The following KCNH5 variants were observed in gnomAD, a reference collection of about 807,000 sequenced individuals.
The protein encoded by KCNH5 is potassium voltage-gated channel subfamily H member 5.
A neutral mutation model predicts 96.1 loss-of-function variants in KCNH5; 46 were observed. That is an observed-to-expected ratio of 0.48 (90% confidence interval 0.38 to 0.61). The LOEUF (loss-of-function observed/expected upper bound fraction) is 0.61. KCNH5 is among the 20% of genes least tolerant of loss of function. The probability of loss-of-function intolerance (pLI) is 0.00; values close to 1 mark genes in which losing one functional copy is unlikely to be tolerated. For missense variants in KCNH5, 907 were observed against 1,225.8 expected, an observed-to-expected ratio of 0.74 and a Z score of 3.88; for synonymous variants, 439 against 449.8, an observed-to-expected ratio of 0.98 and a Z score of 0.30.
intron 7 of KCNH5, among the ~76,000 whole-genome samples, chr14:62,860,435 A>AT (rs1256770583): frequency 2.0e-5 from 3 of 152,178 alleles, no homozygotes; most frequent in African/African-American, 4.8e-5. Context: ...ACAGCTACAG[A>AT]TTTTTTTGTA....
chr14:62,912,037 C>CAAAAAAAAA, intron 7 of KCNH5, among the ~76,000 whole-genome samples: 1 of 79,662 alleles, frequency 1.3e-5, no homozygotes, highest in Non-Finnish European at 2.4e-5. Flanking sequence ...GACTCCTAAT[C>CAAAAAAAAA]AAAAAAAAAA....
At chr14:62,717,208 T>C (rs12587728) in intron 10 of KCNH5, among the ~76,000 whole-genome samples, 65,175 of 151,984 alleles carry the variant, frequency 0.43, 14,552 homozygotes, top group Non-Finnish European at 0.5. Context: ...ATGGCAATAC[T>C]ACCCAAGTTA....
Position 62,959,581 on chromosome 14 carries a change from T to A in KCNH5, c.943-9022A>T, listed in dbSNP as rs183352755. On this transcript the variant is annotated intron_variant, in intron 6 of 10. Transcript: ENST00000322893. Reference sequence around the variant, plus strand: ...TCTGTTGAAGTCAAATTTATTTATATAAAAAAACAGATTGTTTGTCTTATA... The same window carrying A: ...TCTGTTGAAGTCAAATTTATTTATAAAAAAAAACAGATTGTTTGTCTTATA... Among the ~76,000 whole-genome samples the A allele has an allele frequency of 2.5e-4, 38 of 152,156 alleles. No homozygotes were observed. The East Asian group carries it at 7.2e-3, about 29-fold the overall frequency.
At chr14:62,727,922 T>C (rs1049709252) in intron 10 of KCNH5, among the ~76,000 whole-genome samples, 3 of 150,812 alleles carry the variant, frequency 2.0e-5, no homozygotes, top group African/African-American at 7.3e-5. Flanking sequence ...AGCTTGACCA[T>C]GATTTTCCAT....
intron 7 of KCNH5, among the ~76,000 whole-genome samples, chr14:62,872,453 G>C (rs1393716670): frequency 6.6e-6 from 1 of 152,192 alleles, no homozygotes; most frequent in African/African-American, 2.4e-5. Flanking sequence ...GACTTTGGGA[G>C]GCTGAGGCGT....
At chr14:62,914,654 TCCA>T (rs1263060470) in intron 7 of KCNH5, among the ~76,000 whole-genome samples, 2 of 152,210 alleles carry the variant, frequency 1.3e-5, no homozygotes, top group African/African-American at 2.4e-5. Context: ...CTTTGCCCCT[TCCA>T]CCATGTGAGG....
intron 8 of KCNH5, among the ~76,000 whole-genome samples, chr14:62,813,209 T>C (rs1886907213): frequency 6.6e-6 from 1 of 152,122 alleles, no homozygotes; most frequent in Non-Finnish European, 1.5e-5. Flanking sequence ...ATAATATCTC[T>C]CTTTAATCTT....
chr14:63,044,494 T>C (rs1216569152), intron 1 of KCNH5, among the ~76,000 whole-genome samples: 2 of 152,196 alleles, frequency 1.3e-5, no homozygotes, highest in Non-Finnish European at 2.9e-5. Flanking sequence ...TATAGATGAA[T>C]GTACAGTGAA....
intron 7 of KCNH5, among the ~76,000 whole-genome samples, chr14:62,908,494 A>T (rs1889073932): frequency 6.6e-6 from 1 of 152,226 alleles, no homozygotes; most frequent in African/African-American, 2.4e-5. Flanking sequence ...TAGCTTGTTG[A>T]AACTTAGAGG....
intron 2 of KCNH5, among the ~76,000 whole-genome samples, chr14:63,011,411 G>GA (rs1891225254): frequency 6.6e-6 from 1 of 151,522 alleles, no homozygotes; most frequent in African/African-American, 2.4e-5. Context: ...CCAGGAGGCA[G>GA]AGGTTGCAGT....
intron 8 of KCNH5, among the ~76,000 whole-genome samples, chr14:62,814,890 TATATTCAA>T (rs1416994796): frequency 1.4e-5 from 2 of 147,374 alleles, no homozygotes; most frequent in African/African-American, 5.0e-5. Context: ...TGAACATGCA[TATATTCAA>T]AGACCCAAGA....
chr14:62,711,149 T>C (rs1039907071), intron 10 of KCNH5, among the ~76,000 whole-genome samples: 6 of 152,208 alleles, frequency 3.9e-5, no homozygotes, highest in African/African-American at 1.4e-4. Flanking sequence ...GTGTTTTGTG[T>C]TGTAAGACTG....
At chr14:62,980,197 T>C (rs1425048274) in intron 6 of KCNH5, among the ~76,000 whole-genome samples, 1 of 152,210 alleles carries the variant, frequency 6.6e-6, no homozygotes, top group Non-Finnish European at 1.5e-5. Context: ...ATCTCTTCTG[T>C]TTATAAATTA....
intron 10 of KCNH5, among the ~76,000 whole-genome samples, chr14:62,720,574 C>T (rs1481095982): frequency 1.3e-5 from 2 of 152,044 alleles, no homozygotes; most frequent in East Asian, 3.9e-4. Flanking sequence ...CACAGCGAGA[C>T]TCTGTCTCAA....
intron 8 of KCNH5, among the ~76,000 whole-genome samples, chr14:62,831,665 G>T (rs2140028118): frequency 6.6e-6 from 1 of 152,112 alleles, no homozygotes; most frequent in Non-Finnish European, 1.5e-5. Flanking sequence ...CCAGTTTGTA[G>T]ATTATTTTTT....
chr14:62,731,370 T>C (rs1334068751), intron 10 of KCNH5, among the ~76,000 whole-genome samples: 1 of 151,718 alleles, frequency 6.6e-6, no homozygotes, highest in African/African-American at 2.4e-5. Context: ...AAAATACTAA[T>C]CACATTGATG....
intron 7 of KCNH5, among the ~76,000 whole-genome samples, chr14:62,894,076 G>A (rs1888763517): frequency 6.6e-6 from 1 of 151,982 alleles, no homozygotes; most frequent in Admixed American, 6.6e-5. Flanking sequence ...TTTAAATTAA[G>A]GTATGAACAT....
chr14:63,035,954 C>T (rs1419948565), intron 1 of KCNH5, among the ~76,000 whole-genome samples: 2 of 152,200 alleles, frequency 1.3e-5, no homozygotes, highest in African/African-American at 4.8e-5. Context: ...AGACAGGAGT[C>T]TGTGTTGTCA....
intron 6 of KCNH5, among the ~76,000 whole-genome samples, chr14:62,967,418 A>T (rs1890325497): frequency 6.6e-6 from 1 of 151,972 alleles, no homozygotes; most frequent in Non-Finnish European, 1.5e-5. Context: ...GCCTAGAAAC[A>T]TAAATGACAT....
Sources: gnomAD v4.1 joint callset for allele counts (sites outside exome capture counted in the v4.1 genomes callset) on GRCh38, gnomAD v4.1.1 for gene constraint, MANE v1.5 for transcripts, NCBI Gene and HGNC (gene_info 2026-07-23, HGNC 2026-07-21) for gene names.